The following SH3RF1 variants were observed in gnomAD, a reference collection of about 807,000 sequenced individuals.
The protein encoded by SH3RF1 is E3 ubiquitin-protein ligase SH3RF1.
In SH3RF1, 32 loss-of-function variants were observed where a neutral mutation model predicts 74.0. The ratio of observed to expected loss-of-function variants is 0.43; its 90% CI spans 0.33 to 0.58. The LOEUF (loss-of-function observed/expected upper bound fraction) is 0.58, where lower values mean the gene tolerates loss of function less well. SH3RF1 is among the 20% of genes least tolerant of loss of function. The pLI, the probability that SH3RF1 is intolerant of heterozygous loss-of-function variation, is 0.05. For synonymous variants in SH3RF1, 396 were observed against 439.6 expected, an observed-to-expected ratio of 0.90 and a Z score of 1.24; for missense variants, 954 against 1,130.9, an observed-to-expected ratio of 0.84 and a Z score of 2.24.
chr4:169,151,827 A>G (rs1040976722), intron 4 of SH3RF1, among the ~76,000 whole-genome samples: 3 of 152,248 alleles, frequency 2.0e-5, no homozygotes, highest in Non-Finnish European at 2.9e-5. Flanking sequence ...TGAGAAACTT[A>G]ATAAAAATTT....
intron 2 of SH3RF1, among the ~76,000 whole-genome samples, chr4:169,232,420 C>T (rs2127007921): frequency 6.6e-6 from 1 of 152,276 alleles, no homozygotes; most frequent in South Asian, 2.1e-4. Flanking sequence ...AACTGTTATT[C>T]ATTTGTAATG....
intron 2 of SH3RF1, among the ~76,000 whole-genome samples, chr4:169,256,791 G>C (rs1351243775): frequency 6.6e-6 from 1 of 152,056 alleles, no homozygotes; most frequent in African/African-American, 2.4e-5. Flanking sequence ...GAAGGGGGAT[G>C]GGGATCCGAC....
At chr4:169,160,822 A>C (rs2126967452) in intron 2 of SH3RF1, among the ~76,000 whole-genome samples, 1 of 152,384 alleles carries the variant, frequency 6.6e-6, no homozygotes, top group Non-Finnish European at 1.5e-5. Flanking sequence ...ACGACTTGGA[A>C]AAGCAATAAA....
intron 7 of SH3RF1, 24 bp downstream of exon 7, chr4:169,122,076 G>C: frequency 6.2e-7 from 1 of 1,610,400 alleles, no homozygotes; most frequent in Non-Finnish European, 8.5e-7. Flanking sequence ...CACATAAGCA[G>C]TAACAGACGA....
intron 2 of SH3RF1, among the ~76,000 whole-genome samples, chr4:169,246,454 G>A (rs1449920107): frequency 6.6e-6 from 1 of 152,200 alleles, no homozygotes; most frequent in Non-Finnish European, 1.5e-5. Flanking sequence ...ACTTTGTTCT[G>A]CTCCACAGAC....
At chr4:169,100,793 T>C (rs534911076) in intron 11 of SH3RF1, among the ~76,000 whole-genome samples, 1 of 152,330 alleles carries the variant, frequency 6.6e-6, no homozygotes, top group Admixed American at 6.5e-5. Context: ...TACACAGCTG[T>C]AGCTACTACT....
chr4:169,145,566 T>A (rs1469225549), intron 4 of SH3RF1, among the ~76,000 whole-genome samples: 8 of 148,052 alleles, frequency 5.4e-5, no homozygotes, highest in Non-Finnish European at 1.2e-4. Flanking sequence ...TCTGTAAAAA[T>A]ATATATATAT....
At chr4:169,264,811 C>T (rs1341449212) in intron 2 of SH3RF1, among the ~76,000 whole-genome samples, 2 of 152,230 alleles carry the variant, frequency 1.3e-5, no homozygotes, top group African/African-American at 4.8e-5. Context: ...GAGGCCTCAT[C>T]TTACACCATC....
chr4:169,141,794 T>C (rs7686931), intron 4 of SH3RF1, among the ~76,000 whole-genome samples: 59,164 of 149,514 alleles, frequency 0.4, 12,234 homozygotes, highest in African/African-American at 0.53. Context: ...AGTGCCACCA[T>C]GGCCCGCCTA....
intron 10 of SH3RF1, among the ~76,000 whole-genome samples, chr4:169,112,396 G>T (rs1192033872): frequency 6.6e-6 from 1 of 152,164 alleles, no homozygotes; most frequent in Non-Finnish European, 1.5e-5. Context: ...TGAGAACTTG[G>T]AATAAAGCAT....
chr4:169,094,878 A>G lies in SH3RF1; in HGVS notation c.*1641T>C, dbSNP rs2126931170. ...ACCTCTTGTCATTGCAAGACTTTTC[A>G]GTTCATGTTTCTATTTCCCAGTTTT... On this transcript the variant is annotated 3_prime_UTR_variant, in exon 12 of 12. Coordinates refer to ENST00000284637, the MANE Select transcript of SH3RF1 (RefSeq NM_020870.4). 6.6e-6 allele frequency: 1 copy of G among 151,958 alleles called. No homozygotes were observed. The highest frequency in any genetic ancestry group is 2.4e-5 in the African/African-American group (1 of 41,498). The allele number at this position is 151,958 out of a possible 1,614,324, so 9.4% of individuals were successfully genotyped here.
chr4:169,103,954 C>T (rs987874513), intron 11 of SH3RF1, among the ~76,000 whole-genome samples: 1 of 152,218 alleles, frequency 6.6e-6, no homozygotes, highest in African/African-American at 2.4e-5. Context: ...ATTACATTCT[C>T]CATGTTCCCT....
chr4:169,162,684 GTCT>G (rs1734168961), intron 2 of SH3RF1, among the ~76,000 whole-genome samples: 1 of 152,162 alleles, frequency 6.6e-6, no homozygotes, highest in African/African-American at 2.4e-5. Flanking sequence ...TCATTCACAT[GTCT>G]TCTTTTTGCC....
chr4:169,173,468 G>C (rs1734365534), intron 2 of SH3RF1, among the ~76,000 whole-genome samples: 1 of 151,876 alleles, frequency 6.6e-6, no homozygotes, highest in Admixed American at 6.6e-5. Flanking sequence ...AACACAGTAA[G>C]TCCAGTGATT....
At chr4:169,145,611 T>C (rs1053797265) in intron 4 of SH3RF1, among the ~76,000 whole-genome samples, 4 of 147,686 alleles carry the variant, frequency 2.7e-5, no homozygotes, top group Non-Finnish European at 6.0e-5. Flanking sequence ...ATATTATATA[T>C]ATTATATATA....
At chr4:169,114,259 G>A (rs571355141) in intron 10 of SH3RF1, among the ~76,000 whole-genome samples, 4 of 152,300 alleles carry the variant, frequency 2.6e-5, no homozygotes, top group African/African-American at 9.6e-5. Flanking sequence ...GAGGCTTCCT[G>A]TATTCCTTGA....
chr4:169,205,924 T>C (rs1318342284), intron 2 of SH3RF1, among the ~76,000 whole-genome samples: 1 of 152,236 alleles, frequency 6.6e-6, no homozygotes, highest in South Asian at 2.1e-4. Flanking sequence ...TTTTGGCTCA[T>C]TGGGGACATT....
At chr4:169,196,550 C>T (rs184040325) in intron 2 of SH3RF1, among the ~76,000 whole-genome samples, 45 of 152,270 alleles carry the variant, frequency 3.0e-4, no homozygotes, top group South Asian at 1.5e-3. Context: ...AACTTGTTCC[C>T]GCCAGATCTT....
In SH3RF1 at chr4:169,216,308, T is replaced by C. The variant is rs537111999; in HGVS notation, c.393+52512A>G. On this transcript the variant is annotated intron_variant, in intron 2 of 11. Coordinates refer to ENST00000284637, the MANE Select transcript of SH3RF1 (RefSeq NM_020870.4). ...GAAAAAATTGGAAATTATAATGTTT[T>C]AGAAATTATAATTGTAAATTATGAA... Among the ~76,000 whole-genome samples the C allele has an allele frequency of 3.3e-5, 5 of 152,318 alleles. No homozygotes were observed. In the South Asian group the frequency reaches 6.2e-4, roughly 19 times the overall value.
Sources: allele counts gnomAD v4.1 joint callset (sites outside exome capture counted in the v4.1 genomes callset), GRCh38; gene constraint gnomAD v4.1.1; transcripts MANE v1.5; gene names NCBI Gene and HGNC (gene_info 2026-07-23, HGNC 2026-07-21).